Variants in VAV2 observed in about 807,000 individuals in gnomAD.
VAV2 encodes vav guanine nucleotide exchange factor 2, also known as guanine nucleotide exchange factor VAV2.
Under a neutral mutation model 132.5 loss-of-function variants are expected in VAV2, and 67 were observed. That is an observed-to-expected ratio of 0.51 (90% confidence interval 0.42 to 0.62). VAV2 has a LOEUF of 0.62. VAV2 is among the 20% of genes least tolerant of loss of function. The probability of loss-of-function intolerance (pLI) is 0.00; values close to 1 mark genes in which losing one functional copy is unlikely to be tolerated. For missense variants in VAV2, 938 were observed against 1,153.6 expected, an observed-to-expected ratio of 0.81 and a Z score of 2.71; for synonymous variants, 492 against 443.5, an observed-to-expected ratio of 1.11 and a Z score of -1.37.
At chr9:133,775,217 C>A (rs1441881455) in intron 24 of VAV2, among the ~76,000 whole-genome samples, 166 bp from the exon 25 acceptor site, 2 of 152,186 alleles carry the variant, frequency 1.3e-5, no homozygotes, top group Non-Finnish European at 2.9e-5. Context: ...ATGAGCGGGG[C>A]ACCACTGTGG....
At position 133,834,961 on chromosome 9, in the gene VAV2, G is replaced by T. The variant is rs572272173; in HGVS notation, c.381-621C>A. 2.0e-5 allele frequency among the ~76,000 whole-genome samples: 3 copies of T among 152,104 alleles called. No homozygotes were observed. The highest frequency in any genetic ancestry group is 7.2e-5 in the African/African-American group (3 of 41,404). On this transcript the variant is annotated intron_variant, in intron 3 of 29. Transcript: ENST00000371850. The surrounding 1 kb of genome is among the most constrained non-coding windows in gnomAD (Gnocchi z 5.9). Reference sequence around the variant, plus strand: ...TACAAAGGGAGCAGAAGCCCCATGGGGTCTCCCCAGAAGGAACGCGGCGGT... The same window carrying T: ...TACAAAGGGAGCAGAAGCCCCATGGTGTCTCCCCAGAAGGAACGCGGCGGT...
rs369691264 is a variant in VAV2 at position 133,987,059 on chromosome 9, G to A, written c.204+5016C>T. The stretch of plus-strand genomic sequence containing the variant: ...TATATTTATTTATTTATTATTTCTC[G>A]AATGAAGGCACAAGGTTCTGAGGGA... On this transcript the variant is annotated intron_variant, in intron 1 of 29. Coordinates refer to ENST00000371850, the MANE Select transcript of VAV2 (RefSeq NM_001134398.2). Among the ~76,000 whole-genome samples the A allele has an allele frequency of 1.1e-4, 17 of 150,792 alleles. 1 individual carries two copies. The South Asian group carries it at 1.9e-3, about 17-fold the overall frequency.
chr9:133,808,235 G>C (rs1343436214), intron 7 of VAV2, among the ~76,000 whole-genome samples: 2 of 152,246 alleles, frequency 1.3e-5, no homozygotes, highest in African/African-American at 4.8e-5. Context: ...AGGGTGTACA[G>C]ATGTGCGTGC....
chr9:133,861,306 G>A, intron 3 of VAV2, 68 bp downstream of exon 3: 1 of 1,518,240 alleles, frequency 6.6e-7, no homozygotes. Flanking sequence ...CAGTATCTGT[G>A]ACAAGGCACG....
At position 133,765,421 on chromosome 9, in the gene VAV2, A is replaced by G. The variant is rs149954229; in HGVS notation, c.2590-1312T>C. Among the ~76,000 whole-genome samples, 148 of 152,356 alleles carry G rather than the reference A, an allele frequency of 9.7e-4. 1 individual carries two copies. In the East Asian group the frequency reaches 0.018, roughly 19 times the overall value. On this transcript the variant is annotated intron_variant, in intron 29 of 29. Transcript: ENST00000371850. ...ACACTACGGCACTGAGAAAGTGCCA[A>G]CGTCCCCATTGTGGTGTTCCCAATG...
intron 21 of VAV2, 94 bp downstream of exon 21, chr9:133,779,824 C>T (rs979182092): frequency 6.8e-5 from 103 of 1,515,890 alleles, no homozygotes; most frequent in Non-Finnish European, 8.9e-5. Flanking sequence ...GGTGGCTGGG[C>T]AGACCTGGCC....
intron 2 of VAV2, among the ~76,000 whole-genome samples, chr9:133,882,799 A>C (rs897935378): frequency 3.9e-5 from 6 of 152,154 alleles, no homozygotes; most frequent in Non-Finnish European, 7.4e-5. Context: ...TACAAATGTC[A>C]TAAGGTGACC....
Position 133,908,468 on chromosome 9 carries a change from C to T in VAV2, c.321+30635G>A, listed in dbSNP as rs575255363. ...GGAAATCTCCCCTCACCTCTCAGACCTTTCCCTGATGCCCCCAAGCCAGAC... is the reference window on the plus strand; with the variant it reads ...GGAAATCTCCCCTCACCTCTCAGACTTTTCCCTGATGCCCCCAAGCCAGAC... On this transcript the variant is annotated intron_variant, in intron 2 of 29. Transcript: ENST00000371850. Among the ~76,000 whole-genome samples the T allele has an allele frequency of 3.9e-4, 60 of 152,202 alleles. No homozygotes were observed. The South Asian group carries it at 0.012, about 29-fold the overall frequency.
At chr9:133,783,677 C>A (rs75563752) in intron 18 of VAV2, 86 bp from the exon 19 acceptor site, 1 of 1,224,948 alleles carries the variant, frequency 8.2e-7, no homozygotes, top group African/African-American at 1.5e-5. Context: ...TTGTCCCCAC[C>A]CAGGCTCACC....
intron 2 of VAV2, among the ~76,000 whole-genome samples, chr9:133,907,696 C>T (rs113519243): frequency 0.053 from 8,095 of 152,338 alleles, 331 homozygotes; most frequent in East Asian, 0.14. Context: ...TCCCACTCTC[C>T]GCTCGGCTCG....
At chr9:133,796,203 T>C (rs1384188266) in intron 11 of VAV2, among the ~76,000 whole-genome samples, 1 of 152,224 alleles carries the variant, frequency 6.6e-6, no homozygotes, top group Non-Finnish European at 1.5e-5. Flanking sequence ...CTCTTTCAGT[T>C]TTCTGACCTC....
At chr9:133,830,186 G>A (rs763827611) in intron 4 of VAV2, among the ~76,000 whole-genome samples, 23 of 152,236 alleles carry the variant, frequency 1.5e-4, no homozygotes, top group Admixed American at 6.5e-4. Context: ...GGCAGTCAGC[G>A]GAGTCCTTTA....
At chr9:133,931,461 C>CT (rs1840685489) in intron 2 of VAV2, among the ~76,000 whole-genome samples, 3 of 151,902 alleles carry the variant, frequency 2.0e-5, no homozygotes, top group Non-Finnish European at 4.4e-5. Context: ...ACGTCCTTCC[C>CT]TCTTCCCTTC....
chr9:133,968,593 CCGG>C (rs1564512067), intron 1 of VAV2, among the ~76,000 whole-genome samples: 2 of 151,936 alleles, frequency 1.3e-5, no homozygotes, highest in Non-Finnish European at 2.9e-5. Context: ...GACAGAGCTG[CCGG>C]TCCTCTAGAG....
chr9:133,971,894 C>T (rs1842347139), intron 1 of VAV2, among the ~76,000 whole-genome samples: 1 of 152,154 alleles, frequency 6.6e-6, no homozygotes, highest in Non-Finnish European at 1.5e-5. Flanking sequence ...GCAAAAAAGG[C>T]CCCTGGGGCT....
At chr9:133,851,955 G>C (rs1368079616) in intron 3 of VAV2, among the ~76,000 whole-genome samples, 1 of 150,764 alleles carries the variant, frequency 6.6e-6, no homozygotes, top group Non-Finnish European at 1.5e-5. Flanking sequence ...ATGGATACAT[G>C]GATGTATGGA....
chr9:133,900,906 C>T (rs1251470668), intron 2 of VAV2, among the ~76,000 whole-genome samples: 2 of 151,746 alleles, frequency 1.3e-5, no homozygotes, highest in Non-Finnish European at 2.9e-5. Flanking sequence ...TCGTGCAATT[C>T]TCCTGTCTCA....
At chr9:133,784,175 G>A in intron 18 of VAV2, 142 bp downstream of exon 18, 1 of 883,662 alleles carries the variant, frequency 1.1e-6, no homozygotes, top group Non-Finnish European at 1.8e-6. Context: ...GCCTGGCACG[G>A]GCCTGACTCT....
At chr9:133,907,711 A>G (rs1165324534) in intron 2 of VAV2, among the ~76,000 whole-genome samples, 1 of 152,244 alleles carries the variant, frequency 6.6e-6, no homozygotes, top group African/African-American at 2.4e-5. Context: ...GGCTCGGGCC[A>G]TGCCAGCCTT....
Sources: gnomAD v4.1 joint callset for allele counts (sites outside exome capture counted in the v4.1 genomes callset) on GRCh38, gnomAD v4.1.1 for gene constraint, Gnocchi (gnomAD v3.1) non-coding constraint, MANE v1.5 for transcripts, NCBI Gene and HGNC (gene_info 2026-07-23, HGNC 2026-07-21) for gene names.